The following RFX3 variants were observed in gnomAD, a reference collection of about 807,000 sequenced individuals.
RFX3 encodes regulatory factor X3, also known as transcription factor RFX3.
Under a neutral mutation model 98.6 loss-of-function variants are expected in RFX3, and 14 were observed. The ratio of observed to expected loss-of-function variants is 0.14; its 90% CI spans 0.09 to 0.22. RFX3 has a LOEUF of 0.22. Ranked by LOEUF, RFX3 falls within the 10% of genes least tolerant of loss-of-function variation. RFX3 has a pLI of 1.00. For missense variants in RFX3, 639 were observed against 926.9 expected (o/e 0.69, Z 4.03); for synonymous variants, 383 against 328.4 (o/e 1.17, Z -1.80).
At chr9:3,250,247 T>TG (rs1821209261) in intron 14 of RFX3, among the ~76,000 whole-genome samples, 2 of 152,002 alleles carry the variant, frequency 1.3e-5, no homozygotes, top group South Asian at 4.1e-4. Context: ...ATTTTTAAAG[T>TG]AAAGCATGAA....
chr9:3,473,006 T>G (rs554028783), intron 1 of RFX3, among the ~76,000 whole-genome samples: 41 of 152,234 alleles, frequency 2.7e-4, no homozygotes, highest in African/African-American at 9.9e-4. Flanking sequence ...TAGTAATAAT[T>G]AAAACACTCA....
intron 1 of RFX3, among the ~76,000 whole-genome samples, chr9:3,457,139 C>CAAAAAAAAAAAAAAAAAAAAAAAAAAAA: frequency 4.4e-5 from 1 of 22,808 alleles, no homozygotes; most frequent in Non-Finnish European, 7.9e-5. Flanking sequence ...GACTCCATCT[C>CAAAAAAAAAAAAAAAAAAAAAAAAAAAA]AAAAAAAAAA....
intron 1 of RFX3, among the ~76,000 whole-genome samples, chr9:3,462,500 C>G (rs904543334): frequency 6.6e-6 from 1 of 151,932 alleles, no homozygotes; most frequent in African/African-American, 2.4e-5. Context: ...GGATATCCTC[C>G]CTCCCCATTT....
intron 4 of RFX3, among the ~76,000 whole-genome samples, chr9:3,309,537 AT>A (rs1246413382): frequency 6.6e-6 from 1 of 151,118 alleles, no homozygotes; most frequent in Non-Finnish European, 1.5e-5. Flanking sequence ...CAAAAAAGAG[AT>A]TTTGGAGAAA....
At chr9:3,311,342 A>AC (rs1181643469) in intron 4 of RFX3, among the ~76,000 whole-genome samples, 1 of 152,124 alleles carries the variant, frequency 6.6e-6, no homozygotes, top group Non-Finnish European at 1.5e-5. Flanking sequence ...CTACTTGGAG[A>AC]CTTATGTTTA....
intron 1 of RFX3, among the ~76,000 whole-genome samples, chr9:3,524,827 GCACACA>G (rs34119220): frequency 0.16 from 19,878 of 127,926 alleles, 1,366 homozygotes; most frequent in South Asian, 0.22. Context: ...TAAATCACAA[GCACACA>G]CACACACACA....
intron 1 of RFX3, among the ~76,000 whole-genome samples, chr9:3,451,336 A>G (rs996008233): frequency 2.4e-4 from 37 of 152,314 alleles, no homozygotes; most frequent in African/African-American, 8.7e-4. Flanking sequence ...ACTTGAGCCC[A>G]GGAGTTCAAG....
chr9:3,471,813 A>G (rs1848803485), intron 1 of RFX3, among the ~76,000 whole-genome samples: 1 of 152,244 alleles, frequency 6.6e-6, no homozygotes, highest in Non-Finnish European at 1.5e-5. Flanking sequence ...AACAGACAGC[A>G]GTACTGCCTA....
At chr9:3,348,534 T>A (rs925191649) in intron 2 of RFX3, among the ~76,000 whole-genome samples, 3 of 151,776 alleles carry the variant, frequency 2.0e-5, no homozygotes, top group African/African-American at 7.3e-5. Context: ...CTTCATTTAT[T>A]AGCAAAATCC....
intron 1 of RFX3, among the ~76,000 whole-genome samples, chr9:3,402,260 A>T (rs868027899): frequency 9.2e-5 from 14 of 152,188 alleles, no homozygotes; most frequent in African/African-American, 3.4e-4. Context: ...GTTTGGTTCC[A>T]CTACACTTAC....
chr9:3,398,914 TAAAAA>T lies in RFX3; in HGVS notation c.-8-3323_-8-3319del, dbSNP rs71324247. Among the ~76,000 whole-genome samples, 80 of 67,568 alleles carry T rather than the reference TAAAAA, an allele frequency of 1.2e-3. 2 individuals are homozygous for T. The highest frequency in any genetic ancestry group is 3.3e-3 in the African/African-American group (69 of 20,712). 44.3% of individuals were successfully genotyped at this position (67,568 alleles called of 152,430 possible). A position where few individuals can be genotyped will look rare whatever the true frequency, so the allele number is the denominator to read the frequency against. On this transcript the variant is annotated intron_variant, in intron 1 of 16. Coordinates refer to ENST00000617270, the MANE Select transcript of RFX3 (RefSeq NM_001282116.2). ...ATGTACCCTAAAACTTAGAGTATAA[TAAAAA>T]AAAAAAAAAAAAAAAAAAAAAATTA... is the stretch of plus-strand genomic sequence containing the variant.
At chr9:3,243,380 A>T (rs1820216601) in intron 15 of RFX3, among the ~76,000 whole-genome samples, 1 of 151,254 alleles carries the variant, frequency 6.6e-6, no homozygotes, top group Admixed American at 6.6e-5. Context: ...TTTACTAGGC[A>T]GTATTAATGT....
At chr9:3,480,758 G>T (rs558782728) in intron 1 of RFX3, among the ~76,000 whole-genome samples, 1 of 152,190 alleles carries the variant, frequency 6.6e-6, no homozygotes, top group African/African-American at 2.4e-5. Context: ...ATCTCTCTAA[G>T]CTTCAGCTGC....
intron 15 of RFX3, 105 bp downstream of exon 15, chr9:3,247,927 T>A (rs1820899237): frequency 1.2e-6 from 2 of 1,612,650 alleles, no homozygotes; most frequent in South Asian, 2.2e-5. Context: ...TGAGGCTGAC[T>A]TGGTTAGGAA....
intron 1 of RFX3, among the ~76,000 whole-genome samples, chr9:3,478,830 C>T (rs1370018483): frequency 6.6e-6 from 1 of 152,204 alleles, no homozygotes; most frequent in Admixed American, 6.5e-5. Flanking sequence ...TTTGCCTCAA[C>T]TGAAATCACA....
chr9:3,256,910 T>A, intron 14 of RFX3, 81 bp downstream of exon 14: 2 of 1,298,486 alleles, frequency 1.5e-6, no homozygotes, highest in South Asian at 1.3e-5. Context: ...TTTTCTTTTG[T>A]CACAGAAGCA....
intron 3 of RFX3, among the ~76,000 whole-genome samples, chr9:3,332,944 C>T (rs1458090498): frequency 6.6e-6 from 1 of 152,146 alleles, no homozygotes; most frequent in African/African-American, 2.4e-5. Context: ...ATCCTTTGCC[C>T]TCTATGGCCA....
chr9:3,460,742 A>AT (rs1368595712), intron 1 of RFX3, among the ~76,000 whole-genome samples: 1 of 151,590 alleles, frequency 6.6e-6, no homozygotes, highest in Non-Finnish European at 1.5e-5. Context: ...TAGGCTACAC[A>AT]TGCCCACTAT....
At chr9:3,498,813 T>G (rs1343132872) in intron 1 of RFX3, among the ~76,000 whole-genome samples, 1 of 152,072 alleles carries the variant, frequency 6.6e-6, no homozygotes, top group Admixed American at 6.6e-5. Flanking sequence ...ACATCCGGCC[T>G]GGTCACTCTT....
Sources: gnomAD v4.1 joint callset for allele counts (sites outside exome capture counted in the v4.1 genomes callset) on GRCh38, gnomAD v4.1.1 for gene constraint, MANE v1.5 for transcripts, NCBI Gene and HGNC (gene_info 2026-07-23, HGNC 2026-07-21) for gene names.